Variants in RAP1B observed in about 807,000 individuals in gnomAD.
RAP1B encodes ras-related protein Rap-1b.
RAP1B carries 1 observed loss-of-function variant against 27.5 expected under a neutral mutation model. The observed-to-expected ratio is 0.04, with a 90% CI of 0.01 to 0.17. RAP1B has a LOEUF of 0.17. Among genes scored for constraint, RAP1B ranks in the 10% least tolerant of loss-of-function variants. The probability of loss-of-function intolerance (pLI) is 1.00; values close to 1 mark genes in which losing one functional copy is unlikely to be tolerated. For synonymous variants in RAP1B, 75 were observed against 73.1 expected, an observed-to-expected ratio of 1.03 and a Z score of -0.13; for missense variants, 84 against 214.8, an observed-to-expected ratio of 0.39 and a Z score of 3.81.
chr12:68,647,380 A>ACCC (rs1565670481), intron 1 of RAP1B, among the ~76,000 whole-genome samples: 4 of 4,792 alleles, frequency 8.3e-4, no homozygotes, highest in Admixed American at 2.2e-3. Context: ...CCCCCACTCC[A>ACCC]CTCCCCGCCC....
At chr12:68,655,607 C>G (rs923178055) in intron 5 of RAP1B, among the ~76,000 whole-genome samples, 1 of 149,060 alleles carries the variant, frequency 6.7e-6, no homozygotes, top group Non-Finnish European at 1.5e-5. Context: ...ACGATCTCAG[C>G]TCACTGCAAC....
chr12:68,646,421 G>A (rs1056344767), intron 1 of RAP1B, among the ~76,000 whole-genome samples: 6 of 151,896 alleles, frequency 4.0e-5, no homozygotes, highest in African/African-American at 1.2e-4. Context: ...TTAGCCTCCC[G>A]AGTAGCTGGG....
Position 68,661,055 on chromosome 12 carries a change from T to C in RAP1B, c.*1806T>C, listed in dbSNP as rs947701838. ...AATTGTAAAGCTCTTAAAAAACTTT[T>C]TGAAAGTATTTGCCAGCTACTGGAG... On this transcript the variant is annotated 3_prime_UTR_variant, in exon 8 of 8. Coordinates refer to ENST00000250559, the MANE Select transcript of RAP1B (RefSeq NM_001010942.3). The C allele has an allele frequency of 2.6e-5, 4 of 152,200 alleles. No homozygotes were observed. The highest frequency in any genetic ancestry group is 9.7e-5 in the African/African-American group (4 of 41,450). The allele number at this position is 152,200 out of a possible 1,614,324, so 9.4% of individuals were successfully genotyped here.
intron 1 of RAP1B, among the ~76,000 whole-genome samples, chr12:68,638,198 C>CA (rs1872757849): frequency 2.6e-5 from 4 of 152,066 alleles, no homozygotes; most frequent in African/African-American, 4.8e-5. Context: ...CCTTGGTAGT[C>CA]ACTTGTTTTT....
intron 1 of RAP1B, among the ~76,000 whole-genome samples, chr12:68,645,354 A>G (rs1281883349): frequency 2.0e-5 from 3 of 152,224 alleles, no homozygotes; most frequent in Non-Finnish European, 2.9e-5. Flanking sequence ...TTGTCCCCCC[A>G]TGGGGTTCTG....
intron 1 of RAP1B, among the ~76,000 whole-genome samples, chr12:68,623,155 T>C (rs1871503789): frequency 6.6e-6 from 1 of 152,226 alleles, no homozygotes; most frequent in Non-Finnish European, 1.5e-5. Context: ...AATTGAGTAA[T>C]TTTGCACAAA....
At chr12:68,636,995 T>C (rs1455644454) in intron 1 of RAP1B, among the ~76,000 whole-genome samples, 1 of 152,098 alleles carries the variant, frequency 6.6e-6, no homozygotes, top group Admixed American at 6.6e-5. Flanking sequence ...GTATTTCATC[T>C]TCAGTTGGGA....
chr12:68,652,682 G>A (rs935165329), intron 4 of RAP1B, among the ~76,000 whole-genome samples: 1 of 152,076 alleles, frequency 6.6e-6, no homozygotes, highest in Admixed American at 6.5e-5. Flanking sequence ...GCCGGGCGTG[G>A]TGTTACACAC....
intron 1 of RAP1B, among the ~76,000 whole-genome samples, chr12:68,625,058 T>C (rs992582233): frequency 2.6e-5 from 4 of 152,264 alleles, no homozygotes; most frequent in Non-Finnish European, 5.9e-5. Flanking sequence ...GCACACATAA[T>C]GCATGTGATG....
Position 68,650,417 on chromosome 12 carries a change from A to G in RAP1B, c.75A>G (p.Gln25=). ...TTTTTCAGACTGTACAATTTGTTCA[A>G]GGAATTTTTGTAGAAAAATACGATC... ...GKSALTVQFV[Q]GIFVEKYDPT... Residue 25 remains glutamine, a synonymous_variant, in exon 3 of 8, where the codon CAA becomes CAG. Coordinates refer to ENST00000250559, the MANE Select transcript of RAP1B (RefSeq NM_001010942.3). 6.4e-7 allele frequency: 1 copy of G among 1,565,130 alleles called. No individual in the cohort carries two copies. The highest frequency in any genetic ancestry group is 8.7e-7 in the Non-Finnish European group (1 of 1,153,476).
chr12:68,619,460 G>A (rs1871245572), intron 1 of RAP1B, among the ~76,000 whole-genome samples: 1 of 152,088 alleles, frequency 6.6e-6, no homozygotes, highest in African/African-American at 2.4e-5. Context: ...AATCATACAT[G>A]GGTAAGAAAT....
intron 4 of RAP1B, among the ~76,000 whole-genome samples, chr12:68,653,041 C>T (rs577552778): frequency 4.6e-5 from 7 of 151,818 alleles, no homozygotes; most frequent in African/African-American, 1.4e-4. Context: ...TGAAACCCGT[C>T]TCTATTAAAA....
intron 1 of RAP1B, among the ~76,000 whole-genome samples, chr12:68,642,321 C>G (rs1565667901): frequency 6.6e-6 from 1 of 151,918 alleles, no homozygotes; most frequent in Non-Finnish European, 1.5e-5. Flanking sequence ...ACTGGAAATT[C>G]AAGCGAGAAT....
At chr12:68,628,231 A>C (rs1367186256) in intron 1 of RAP1B, among the ~76,000 whole-genome samples, 3 of 152,124 alleles carry the variant, frequency 2.0e-5, no homozygotes, top group Non-Finnish European at 4.4e-5. Context: ...AGAGATGATA[A>C]ATTTCTGATA....
At chr12:68,646,620 C>G (rs929137155) in intron 1 of RAP1B, among the ~76,000 whole-genome samples, 4 of 152,324 alleles carry the variant, frequency 2.6e-5, no homozygotes, top group East Asian at 3.9e-4. Context: ...ACTTCCATCA[C>G]CCCCAAAAGG....
chr12:68,642,457 ATT>A, intron 1 of RAP1B: 1 of 786,738 alleles, frequency 1.3e-6, no homozygotes, highest in Non-Finnish European at 2.1e-6. Flanking sequence ...TATAATTATT[ATT>A]TTTAATGTCC....
At chr12:68,656,717 A>G (rs1874233632) in intron 6 of RAP1B, 2 of 542,750 alleles carry the variant, frequency 3.7e-6, no homozygotes, top group Non-Finnish European at 6.4e-6. Flanking sequence ...TTAAGACTTC[A>G]GGTATATGAA....
intron 2 of RAP1B, chr12:68,649,067 A>G: frequency 3.2e-6 from 1 of 308,470 alleles, no homozygotes; most frequent in Non-Finnish European, 5.9e-6. Flanking sequence ...TTCGCATTTC[A>G]GAGCCAGATA....
chr12:68,610,948 G>C lies in RAP1B; in HGVS notation c.-122G>C. The C allele has an allele frequency of 3.2e-6, 1 of 311,874 alleles. No homozygotes were observed. Among genetic ancestry groups the C allele is most frequent in the Non-Finnish European group, 5.9e-6 (1 of 169,326 alleles). The allele number at this position is 311,874 out of a possible 1,614,324, so 19.3% of individuals were successfully genotyped here. A position where few individuals can be genotyped will look rare whatever the true frequency, so the allele number is the denominator to read the frequency against. On this transcript the variant is annotated 5_prime_UTR_variant, in exon 1 of 8. Coordinates refer to ENST00000250559, the MANE Select transcript of RAP1B (RefSeq NM_001010942.3). ...TCAGGCGTGTAAACCAGCCGGAGCG[G>C]CGCGGCAGCGGCAGGACCGCCGTGG...
Sources: allele counts gnomAD v4.1 joint callset (sites outside exome capture counted in the v4.1 genomes callset), GRCh38; gene constraint gnomAD v4.1.1; transcripts MANE v1.5; gene names NCBI Gene and HGNC (gene_info 2026-07-23, HGNC 2026-07-21).